LDLRAD3: variants seen among roughly 807,000 people sequenced by gnomAD.
LDLRAD3 encodes low-density lipoprotein receptor class A domain-containing protein 3.
In LDLRAD3, 20 loss-of-function variants were observed where a neutral mutation model predicts 29.4. The ratio of observed to expected loss-of-function variants is 0.68; its 90% CI spans 0.48 to 0.99. The LOEUF is 0.99. LDLRAD3 is among the 50% of genes least tolerant of loss of function. The probability of loss-of-function intolerance (pLI) is 0.00; values close to 1 mark genes in which losing one functional copy is unlikely to be tolerated. For synonymous variants in LDLRAD3, 157 were observed against 192.7 expected (o/e 0.81, Z 1.53); for missense variants, 420 against 454.3 (o/e 0.92, Z 0.69).
intron 1 of LDLRAD3, among the ~76,000 whole-genome samples, chr11:36,026,230 T>A (rs1852165720): frequency 6.6e-6 from 1 of 152,252 alleles, no homozygotes; most frequent in African/African-American, 2.4e-5. Context: ...TTGAGTGATG[T>A]AAACCCTAGT....
chr11:35,966,714 C>G (rs1851346420), intron 1 of LDLRAD3, among the ~76,000 whole-genome samples: 2 of 152,158 alleles, frequency 1.3e-5, no homozygotes, highest in Admixed American at 1.3e-4. Context: ...TACAGTCTTA[C>G]TTTTACCCAC....
intron 1 of LDLRAD3, among the ~76,000 whole-genome samples, chr11:36,006,476 A>G (rs11033370): frequency 0.017 from 2,593 of 152,276 alleles, 83 homozygotes; most frequent in African/African-American, 0.059. Flanking sequence ...GGAGTTACTG[A>G]ATGGATGTGT....
chr11:36,005,234 A>T lies in LDLRAD3; in HGVS notation c.47-30869A>T, dbSNP rs1278172585. On this transcript the variant is annotated intron_variant, in intron 1 of 5. Transcript: ENST00000315571. ...TAAATATAAGTTCCAATTTCAGATA[A>T]TCTCTTTGTTCATGCATATGAGCAT... Among the ~76,000 whole-genome samples, 8 of 152,284 alleles carry T rather than the reference A, an allele frequency of 5.3e-5. No individual in the cohort carries two copies. In the South Asian group the frequency reaches 1.4e-3, roughly 28 times the overall value.
chr11:36,014,857 T>C (rs960439442), intron 1 of LDLRAD3, among the ~76,000 whole-genome samples: 7 of 152,264 alleles, frequency 4.6e-5, no homozygotes, highest in Admixed American at 3.9e-4. Flanking sequence ...ATTTTTATTT[T>C]ATTTTTTGCC....
intron 4 of LDLRAD3, among the ~76,000 whole-genome samples, chr11:36,160,189 C>T (rs1445439552): frequency 2.0e-5 from 3 of 152,248 alleles, no homozygotes; most frequent in East Asian, 1.9e-4. Flanking sequence ...GTGAAGTGAA[C>T]GTGATAAAAT....
intron 4 of LDLRAD3, among the ~76,000 whole-genome samples, chr11:36,179,484 G>A (rs1854725809): frequency 1.3e-5 from 2 of 151,988 alleles, no homozygotes; most frequent in Non-Finnish European, 1.5e-5. Flanking sequence ...AGAAAAAAAA[G>A]GTTAGAGCCC....
At chr11:35,966,254 A>G (rs113147128) in intron 1 of LDLRAD3, among the ~76,000 whole-genome samples, 1,671 of 152,208 alleles carry the variant, frequency 0.011, 52 homozygotes, top group East Asian at 0.1. Context: ...GTGAAACCCC[A>G]TCTCTACTAA....
chr11:36,022,393 G>C (rs1418477078), intron 1 of LDLRAD3, among the ~76,000 whole-genome samples: 2 of 151,872 alleles, frequency 1.3e-5, no homozygotes, highest in Admixed American at 6.6e-5. Flanking sequence ...CATAAAATGT[G>C]TGAAAAATTC....
intron 3 of LDLRAD3, among the ~76,000 whole-genome samples, chr11:36,085,348 GT>G (rs397815799): frequency 1.1e-3 from 152 of 140,958 alleles, no homozygotes; most frequent in African/African-American, 1.8e-3. Context: ...GCTTTGAACT[GT>G]TTTTTTTTTT....
Position 36,213,891 on chromosome 11 carries a change from T to G in LDLRAD3, c.455-13194T>G, listed in dbSNP as rs910916279. On this transcript the variant is annotated intron_variant, in intron 4 of 5. Coordinates refer to ENST00000315571, the MANE Select transcript of LDLRAD3 (RefSeq NM_174902.4). This position sits in a 1 kb window ranked among gnomAD's most constrained non-coding sequence, Gnocchi z 4.1. ...ACTCCCAAGGCCCGTTTTAATCTAG[T>G]GTGAAGGGTCAGACTCTTCGTCCAG... Among the ~76,000 whole-genome samples the G allele has an allele frequency of 9.2e-5, 14 of 152,138 alleles. No individual in the cohort carries two copies. Among genetic ancestry groups the G allele is most frequent in the Admixed American group, 6.5e-4 (10 of 15,282 alleles).
chr11:35,946,040 T>C lies in LDLRAD3; in HGVS notation c.46+1896T>C, dbSNP rs117339516. Among the ~76,000 whole-genome samples the C allele has an allele frequency of 8.2e-3, 1,242 of 152,306 alleles. 8 individuals carry two copies. Among genetic ancestry groups the C allele is most frequent in the Non-Finnish European group, 0.01 (689 of 68,018 alleles). On this transcript the variant is annotated intron_variant, in intron 1 of 5. Coordinates refer to ENST00000315571, the MANE Select transcript of LDLRAD3 (RefSeq NM_174902.4). The stretch of plus-strand genomic sequence containing the variant: ...AAACATCTAGGCAGGTTGGAGTGTG[T>C]GCATCTTTCATGTTACATTAAGCAT...
chr11:36,026,815 A>T (rs1852173194), intron 1 of LDLRAD3, among the ~76,000 whole-genome samples: 1 of 152,218 alleles, frequency 6.6e-6, no homozygotes, highest in African/African-American at 2.4e-5. Context: ...AGGAGTCCTC[A>T]CTTCCAGGAA....
At chr11:36,193,881 A>G (rs1463136751) in intron 4 of LDLRAD3, among the ~76,000 whole-genome samples, 1 of 152,138 alleles carries the variant, frequency 6.6e-6, no homozygotes, top group Non-Finnish European at 1.5e-5. Flanking sequence ...TAGCTCTGCC[A>G]CTTACTAGCT....
At chr11:36,089,640 GC>G (rs1288541640) in intron 3 of LDLRAD3, among the ~76,000 whole-genome samples, 1 of 152,078 alleles carries the variant, frequency 6.6e-6, no homozygotes, top group African/African-American at 2.4e-5. Flanking sequence ...TTACTCTGTT[GC>G]CCAGGCTAAA....
At position 36,224,203 on chromosome 11, in the gene LDLRAD3, T is replaced by C. The variant is rs548486406; in HGVS notation, c.455-2882T>C. Among the ~76,000 whole-genome samples, 13 of 151,862 alleles carry C rather than the reference T, an allele frequency of 8.6e-5. No individual in the cohort carries two copies. In the South Asian group the frequency reaches 2.7e-3, roughly 32 times the overall value. Reference sequence around the variant, plus strand: ...ACTGTGCTCAGCACTTGTGTATATGTTATACTCTACCATCTGGATAGTCCA... The same window carrying C: ...ACTGTGCTCAGCACTTGTGTATATGCTATACTCTACCATCTGGATAGTCCA... On this transcript the variant is annotated intron_variant, in intron 4 of 5. Transcript: ENST00000315571.
chr11:36,219,671 CAT>C (rs1855401757), intron 4 of LDLRAD3, among the ~76,000 whole-genome samples: 1 of 152,174 alleles, frequency 6.6e-6, no homozygotes, highest in Non-Finnish European at 1.5e-5. Flanking sequence ...GGATCATAGA[CAT>C]AAATGTAGAA....
chr11:36,157,171 G>A (rs908863783), intron 4 of LDLRAD3, among the ~76,000 whole-genome samples: 2 of 152,228 alleles, frequency 1.3e-5, no homozygotes, highest in African/African-American at 4.8e-5. Flanking sequence ...AATGCTGTAA[G>A]GGGCTGATGG....
At chr11:36,180,344 A>G (rs1854740983) in intron 4 of LDLRAD3, among the ~76,000 whole-genome samples, 1 of 151,970 alleles carries the variant, frequency 6.6e-6, no homozygotes, top group Non-Finnish European at 1.5e-5. Flanking sequence ...CTCAACATAC[A>G]CTTGTTGAGT....
intron 4 of LDLRAD3, among the ~76,000 whole-genome samples, chr11:36,190,826 G>A (rs1411914933): frequency 6.6e-6 from 1 of 152,070 alleles, no homozygotes. Flanking sequence ...TCTAGAGAGG[G>A]CATTACAAAA....
Sources: allele counts gnomAD v4.1 joint callset (sites outside exome capture counted in the v4.1 genomes callset), GRCh38; gene constraint gnomAD v4.1.1; non-coding constraint Gnocchi (gnomAD v3.1); transcripts MANE v1.5; gene names NCBI Gene and HGNC (gene_info 2026-07-23, HGNC 2026-07-21).